The following WDR76 variants were observed in gnomAD, a reference collection of about 807,000 sequenced individuals.
The protein encoded by WDR76 is WD repeat domain 76.
In WDR76, 52 loss-of-function variants were observed where a neutral mutation model predicts 70.2. That is an observed-to-expected ratio of 0.74 (90% CI 0.59 to 0.93). The LOEUF (loss-of-function observed/expected upper bound fraction) is 0.93, where lower values mean the gene tolerates loss of function less well. Ranked by LOEUF, WDR76 falls within the 40% of genes least tolerant of loss-of-function variation. The pLI, the probability that WDR76 is intolerant of heterozygous loss-of-function variation, is 0.00. For synonymous variants in WDR76, 292 were observed against 271.1 expected, an observed-to-expected ratio of 1.08 and a Z score of -0.76; for missense variants, 756 against 760.2, an observed-to-expected ratio of 0.99 and a Z score of 0.07.
rs1038544913 is a variant in WDR76 at position 43,839,683 on chromosome 15, A to G, written c.687A>G (p.Ser229=). The change falls in exon 5 of 13, where the codon TCA becomes TCG. Residue 229 remains serine, a synonymous_variant. Transcript: ENST00000263795. The stretch of plus-strand genomic sequence containing the variant: ...TAAAAGTTGATCCTTCGGGAGTTTC[A>G]TTACCAGCAGCTCCAACACCGCCGA... ...RLLKVDPSGV[S]LPAAPTPPTL... The G allele has an allele frequency of 6.2e-7, 1 of 1,612,408 alleles. No individual in the cohort carries two copies. Among genetic ancestry groups the G allele is most frequent in the Non-Finnish European group, 8.5e-7 (1 of 1,178,884 alleles).
At chr15:43,858,633 T>C (rs779443050) in intron 10 of WDR76, 38 bp from the exon 11 acceptor site, 1 of 1,606,562 alleles carries the variant, frequency 6.2e-7, no homozygotes, top group Non-Finnish European at 8.5e-7. Flanking sequence ...TCATTACATG[T>C]ACTATGGCAA....
intron 2 of WDR76, among the ~76,000 whole-genome samples, chr15:43,831,860 A>T (rs1596065938): frequency 2.0e-5 from 3 of 150,448 alleles, no homozygotes; most frequent in Admixed American, 6.6e-5. Context: ...TTTGAGACGG[A>T]GTCTCACCTG....
At chr15:43,842,355 CCTT>C (rs1363504819) in intron 5 of WDR76, 57 bp from the exon 6 acceptor site, 2 of 1,480,570 alleles carry the variant, frequency 1.4e-6, no homozygotes, top group East Asian at 4.5e-5. Flanking sequence ...CCCTTGCCCT[CCTT>C]GTGTTTATAT....
At chr15:43,850,862 C>G (rs1464563787) in intron 8 of WDR76, among the ~76,000 whole-genome samples, 2 of 152,092 alleles carry the variant, frequency 1.3e-5, no homozygotes, top group Admixed American at 6.6e-5. Context: ...AAGCTGGTCA[C>G]TGTTAATGTG....
chr15:43,861,157 G>T (rs2087992738), intron 11 of WDR76, among the ~76,000 whole-genome samples, 176 bp from the exon 12 acceptor site: 1 of 151,920 alleles, frequency 6.6e-6, no homozygotes. Context: ...GGCCTCAGGT[G>T]ATCCTCCTGT....
chr15:43,866,201 A>G lies in WDR76; in HGVS notation c.1690A>G (p.Ile564Val). 2 of 1,614,210 alleles carry G rather than the reference A, an allele frequency of 1.2e-6. No homozygotes were observed. The highest frequency in any genetic ancestry group is 2.2e-5 in the South Asian group (2 of 91,088). Reference sequence around the variant, plus strand: ...GGATCCTAAACAAGAAGACTGTGTCATAGTTGGCAGCATGGCCCATCCACG... The same window carrying G: ...GGATCCTAAACAAGAAGACTGTGTCGTAGTTGGCAGCATGGCCCATCCACG... ...MWDPKQEDCVIVGSMAHPRRV... is the reference protein window; with the variant it reads ...MWDPKQEDCVVVGSMAHPRRV... Residue 564 changes from isoleucine to valine, a missense_variant, in exon 13 of 13, where the codon ATA becomes GTA. Coordinates refer to ENST00000263795, the MANE Select transcript of WDR76 (RefSeq NM_024908.4).
At chr15:43,842,812 A>G (rs1043196026) in intron 7 of WDR76, 141 bp downstream of exon 7, 4 of 743,154 alleles carry the variant, frequency 5.4e-6, no homozygotes, top group African/African-American at 5.3e-5. Context: ...TTTCCTCACA[A>G]GTGTTGCCAT....
intron 2 of WDR76, among the ~76,000 whole-genome samples, chr15:43,834,727 G>A (rs1367397837): frequency 6.6e-6 from 1 of 152,064 alleles, no homozygotes; most frequent in Non-Finnish European, 1.5e-5. Context: ...GATTACAGGC[G>A]TGAGCCACTG....
intron 9 of WDR76, among the ~76,000 whole-genome samples, chr15:43,856,563 C>T (rs912675841): frequency 6.6e-6 from 1 of 150,674 alleles, no homozygotes; most frequent in African/African-American, 2.4e-5. Flanking sequence ...GTAGACACAG[C>T]TGATCAGTGC....
intron 9 of WDR76, among the ~76,000 whole-genome samples, chr15:43,854,876 A>G (rs1295368597): frequency 2.0e-5 from 3 of 151,620 alleles, no homozygotes; most frequent in Non-Finnish European, 4.4e-5. Flanking sequence ...GCTTGAACCC[A>G]GGAGGCAGAG....
At chr15:43,851,058 C>T in intron 8 of WDR76, 29 bp from the exon 9 acceptor site, 1 of 1,607,158 alleles carries the variant, frequency 6.2e-7, no homozygotes, top group South Asian at 1.1e-5. Flanking sequence ...GTTTTTTTCT[C>T]TCTCCCCTTT....
At chr15:43,864,369 C>T (rs1368572655) in intron 12 of WDR76, among the ~76,000 whole-genome samples, 5 of 152,076 alleles carry the variant, frequency 3.3e-5, no homozygotes, top group Non-Finnish European at 7.3e-5. Flanking sequence ...ACATTTCCAC[C>T]AACAATGTAC....
chr15:43,835,134 C>T lies in WDR76; in HGVS notation c.536C>T (p.Ser179Phe). The T allele has an allele frequency of 1.2e-6, 2 of 1,613,986 alleles. No homozygotes were observed. Among genetic ancestry groups the T allele is most frequent in the Non-Finnish European group, 1.7e-6 (2 of 1,179,974 alleles). Residue 179 changes from serine to phenylalanine, a missense_variant, in exon 3 of 13, where the codon TCT becomes TTT. Ser to Phe is a radical substitution (Grantham distance 155). Transcript: ENST00000263795. ...TCAGAAAACGCAGACTTTTTTGCTT[C>T]TCTTCAGTTGTCTGAGGTTTGTGTG... ...NISENADFFA[S>F]LQLSESAARL...
intron 2 of WDR76, among the ~76,000 whole-genome samples, chr15:43,833,096 C>T (rs991506233): frequency 1.3e-5 from 2 of 151,802 alleles, no homozygotes; most frequent in Non-Finnish European, 2.9e-5. Flanking sequence ...AGGCTGCATA[C>T]TCATTGGGCC....
At chr15:43,833,796 C>A (rs2087621702) in intron 2 of WDR76, among the ~76,000 whole-genome samples, 1 of 151,528 alleles carries the variant, frequency 6.6e-6, no homozygotes, top group Admixed American at 6.6e-5. Context: ...GTCACCACAC[C>A]CGGCTAATTT....
chr15:43,866,431 A>T lies in WDR76; in HGVS notation c.*39A>T. On this transcript the variant is annotated 3_prime_UTR_variant, in exon 13 of 13. Coordinates refer to ENST00000263795, the MANE Select transcript of WDR76 (RefSeq NM_024908.4). ...GAACATCAATTTGTTCAAATTGACC[A>T]CTGTCTAAGGAGCCTAGTAATCGGC... 6.2e-7 allele frequency: 1 copy of T among 1,609,250 alleles called. No homozygotes were observed. Among genetic ancestry groups the T allele is most frequent in the Non-Finnish European group, 8.5e-7 (1 of 1,176,222 alleles).
chr15:43,855,952 CAT>C (rs1450601874), intron 9 of WDR76, among the ~76,000 whole-genome samples: 1 of 152,134 alleles, frequency 6.6e-6, no homozygotes, highest in Non-Finnish European at 1.5e-5. Flanking sequence ...ACCGTTGTTG[CAT>C]ATCTTGAGTA....
chr15:43,844,107 T>C, intron 8 of WDR76, 53 bp downstream of exon 8: 1 of 1,557,856 alleles, frequency 6.4e-7, no homozygotes. Context: ...GCAAATAGGC[T>C]GGAAGAGAAT....
At position 43,827,829 on chromosome 15, in the gene WDR76, G is replaced by A. The variant is rs370444708; in HGVS notation, c.61-136G>A. Reference sequence around the variant, plus strand: ...CAAAGTGCTGGGATTACAGGCGTGAGCCACTGCACCTGGCCTCAATTTGGA... The same window carrying A: ...CAAAGTGCTGGGATTACAGGCGTGAACCACTGCACCTGGCCTCAATTTGGA... On this transcript the variant is annotated intron_variant, in intron 1 of 12. Transcript: ENST00000263795. 92 of 956,498 alleles carry A rather than the reference G, an allele frequency of 9.6e-5. No individual in the cohort carries two copies. The African/African-American group carries it at 1.4e-3, about 15-fold the overall frequency. The allele number at this position is 956,498 out of a possible 1,614,324, so 59.3% of individuals were successfully genotyped here. A position where few individuals can be genotyped will look rare whatever the true frequency, so the allele number is the denominator to read the frequency against.
Sources: gnomAD v4.1 joint callset for allele counts (sites outside exome capture counted in the v4.1 genomes callset) on GRCh38, gnomAD v4.1.1 for gene constraint, MANE v1.5 for transcripts, NCBI Gene and HGNC (gene_info 2026-07-23, HGNC 2026-07-21) for gene names.